Variants in CTNNBL1 observed in about 807,000 individuals in gnomAD.
CTNNBL1 encodes catenin beta like 1, also known as beta-catenin-like protein 1.
A neutral mutation model predicts 72.7 loss-of-function variants in CTNNBL1; 31 were observed. The observed-to-expected ratio is 0.43, with a 90% CI of 0.32 to 0.58. The LOEUF (loss-of-function observed/expected upper bound fraction) is 0.58, where lower values mean the gene tolerates loss of function less well. Ranked by LOEUF, CTNNBL1 falls within the 20% of genes least tolerant of loss-of-function variation. The pLI, the probability that CTNNBL1 is intolerant of heterozygous loss-of-function variation, is 0.08. For missense variants in CTNNBL1, 534 were observed against 725.1 expected (o/e 0.74, Z 3.03); for synonymous variants, 240 against 267.3 (o/e 0.90, Z 1.00).
chr20:37,734,903 G>A (rs542452228), intron 2 of CTNNBL1, among the ~76,000 whole-genome samples: 7 of 152,300 alleles, frequency 4.6e-5, no homozygotes, highest in African/African-American at 7.2e-5. Context: ...CTAGGACTTC[G>A]GAAATCCCAT....
At chr20:37,733,841 C>T (rs2073150464) in intron 2 of CTNNBL1, among the ~76,000 whole-genome samples, 1 of 152,200 alleles carries the variant, frequency 6.6e-6, no homozygotes, top group Non-Finnish European at 1.5e-5. Flanking sequence ...CCCATGAAAA[C>T]AGAGACTGGC....
intron 1 of CTNNBL1, among the ~76,000 whole-genome samples, chr20:37,719,865 G>A (rs1445437156): frequency 6.8e-6 from 1 of 147,060 alleles, no homozygotes; most frequent in Non-Finnish European, 1.5e-5. Context: ...TTTTGAGACA[G>A]GGTCTTGCTC....
rs1176688817 is a variant in CTNNBL1, at chr20:37,773,909, C to CTTTTTT, written c.751-3418_751-3413dup. The stretch of plus-strand genomic sequence containing the variant: ...TTTTCTTCTTTTTCTTTCTTTCTCT[C>CTTTTTT]TTTTTTTTTTTTTTTTTTTTTTTGA... On this transcript the variant is annotated intron_variant, in intron 7 of 15. Transcript: ENST00000361383. 4.3e-4 allele frequency among the ~76,000 whole-genome samples: 45 copies of CTTTTTT among 104,630 alleles called. 1 individual carries two copies. Among genetic ancestry groups the CTTTTTT allele is most frequent in the African/African-American group, 1.2e-3 (29 of 23,456 alleles). 68.6% of individuals were successfully genotyped at this position (104,630 alleles called of 152,430 possible).
At chr20:37,767,865 G>A in intron 6 of CTNNBL1, 88 bp from the exon 7 acceptor site, 1 of 1,004,694 alleles carries the variant, frequency 1.0e-6, no homozygotes, top group South Asian at 1.3e-5. Flanking sequence ...AGTGGGGAGA[G>A]GAATAACATG....
At chr20:37,869,465 C>A (rs2072564509) in intron 15 of CTNNBL1, among the ~76,000 whole-genome samples, 1 of 152,256 alleles carries the variant, frequency 6.6e-6, no homozygotes, top group African/African-American at 2.4e-5. Flanking sequence ...CCTAGTCACC[C>A]ACTGCAGGAG....
At chr20:37,765,147 G>A (rs1244299220) in intron 5 of CTNNBL1, 50 bp from the exon 6 acceptor site, 1 of 1,272,970 alleles carries the variant, frequency 7.9e-7, no homozygotes. Context: ...GAACATTTTG[G>A]GGACCATTTT....
chr20:37,847,421 CT>C (rs2072355737), intron 13 of CTNNBL1, among the ~76,000 whole-genome samples: 1 of 152,104 alleles, frequency 6.6e-6, no homozygotes, highest in South Asian at 2.1e-4. Flanking sequence ...TTGACCTGAA[CT>C]TTTCAAGGGC....
chr20:37,863,565 C>T (rs1414685161), intron 15 of CTNNBL1, among the ~76,000 whole-genome samples: 1 of 152,130 alleles, frequency 6.6e-6, no homozygotes, highest in African/African-American at 2.4e-5. Context: ...TGGAGGAGGA[C>T]AGGGCAGGAT....
chr20:37,819,872 C>CT (rs368562087), intron 11 of CTNNBL1, among the ~76,000 whole-genome samples: 35,734 of 121,160 alleles, frequency 0.29, 6,110 homozygotes, highest in East Asian at 0.4. Flanking sequence ...CTTTTAATAT[C>CT]TTTTTTTTTT....
intron 1 of CTNNBL1, among the ~76,000 whole-genome samples, chr20:37,708,947 G>T (rs925982588): frequency 1.3e-5 from 2 of 152,106 alleles, no homozygotes; most frequent in Non-Finnish European, 2.9e-5. Context: ...GACCATCCTG[G>T]CCAACATGGT....
At position 37,708,949 on chromosome 20, in the gene CTNNBL1, C is replaced by T. The variant is rs376055218; in HGVS notation, c.30+14797C>T. 3.3e-5 allele frequency among the ~76,000 whole-genome samples: 5 copies of T among 152,176 alleles called. No individual in the cohort carries two copies. In the East Asian group the frequency reaches 5.8e-4, roughly 18 times the overall value. On this transcript the variant is annotated intron_variant, in intron 1 of 15. Transcript: ENST00000361383. ...GTCAAGAGATCGAGACCATCCTGGC[C>T]AACATGGTGAAACCCTGTCTCTACT...
chr20:37,696,306 G>C (rs1463746208), intron 1 of CTNNBL1, among the ~76,000 whole-genome samples: 1 of 152,064 alleles, frequency 6.6e-6, no homozygotes, highest in Non-Finnish European at 1.5e-5. Context: ...GCACTGCTTT[G>C]TATAGTAGCC....
At position 37,804,772 on chromosome 20, in the gene CTNNBL1, A is replaced by G. The variant is rs6021030; in HGVS notation, c.1213+1724A>G. ...GCTCTGCGGTCATGGCACTGAGAAG[A>G]GGAGGAAGTGACAGATTCAGTGAGC... On this transcript the variant is annotated intron_variant, in intron 11 of 15. Transcript: ENST00000361383. Among the ~76,000 whole-genome samples the G allele has an allele frequency of 3.0e-3, 464 of 152,318 alleles. 5 individuals are homozygous for G. Among genetic ancestry groups the G allele is most frequent in the African/African-American group, 0.01 (416 of 41,576 alleles).
chr20:37,772,394 A>G (rs1325827557), intron 7 of CTNNBL1, among the ~76,000 whole-genome samples: 1 of 152,198 alleles, frequency 6.6e-6, no homozygotes, highest in East Asian at 1.9e-4. Flanking sequence ...TCTGTCACCC[A>G]GGCTGGAGTG....
In CTNNBL1 at chr20:37,871,019, T is replaced by G. The variant is rs143759835; in HGVS notation, c.1604-906T>G. ...TTGTGACCCTCACTAGAAAGTAGGC[T>G]CCACACAAGCAGAAATTTGCATCTG... On this transcript the variant is annotated intron_variant, in intron 15 of 15. Coordinates refer to ENST00000361383, the MANE Select transcript of CTNNBL1 (RefSeq NM_030877.5). 5.6e-3 allele frequency among the ~76,000 whole-genome samples: 847 copies of G among 152,244 alleles called. 8 individuals are homozygous for G. The highest frequency in any genetic ancestry group is 0.02 in the African/African-American group (810 of 41,518).
In CTNNBL1 at chr20:37,861,601, C is replaced by A. The variant is rs2072492306; in HGVS notation, c.1603+1257C>A. On this transcript the variant is annotated intron_variant, in intron 15 of 15. Transcript: ENST00000361383. ...CTTACCTTTCAGTTGCTTTTAGCTC[C>A]CATTCCAGGTGGCGGATGAAATGTG... 3.3e-5 allele frequency among the ~76,000 whole-genome samples: 5 copies of A among 152,196 alleles called. No homozygotes were observed. In the South Asian group the frequency reaches 1.0e-3, roughly 32 times the overall value.
chr20:37,831,766 A>G (rs1290109490), intron 11 of CTNNBL1, among the ~76,000 whole-genome samples: 1 of 152,182 alleles, frequency 6.6e-6, no homozygotes, highest in Non-Finnish European at 1.5e-5. Context: ...ATTGCCTGGC[A>G]CATAGTTGGT....
intron 1 of CTNNBL1, among the ~76,000 whole-genome samples, chr20:37,717,375 T>A (rs927389510): frequency 6.6e-6 from 1 of 152,266 alleles, no homozygotes; most frequent in African/African-American, 2.4e-5. Context: ...GGTTGCAGAA[T>A]GCATACTCCA....
chr20:37,733,443 A>T (rs191904658), intron 2 of CTNNBL1, among the ~76,000 whole-genome samples: 7 of 152,300 alleles, frequency 4.6e-5, no homozygotes, highest in Middle Eastern at 3.4e-3. Context: ...CAAAGCAACA[A>T]AAGTGGAGAA....
Sources: allele counts gnomAD v4.1 joint callset (sites outside exome capture counted in the v4.1 genomes callset), GRCh38; gene constraint gnomAD v4.1.1; transcripts MANE v1.5; gene names NCBI Gene and HGNC (gene_info 2026-07-23, HGNC 2026-07-21).